KANSL3: variants seen among roughly 807,000 people sequenced by gnomAD.
The protein encoded by KANSL3 is KAT8 regulatory NSL complex subunit 3, also known as NSL complex protein NSL3.
Under a neutral mutation model 89.2 loss-of-function variants are expected in KANSL3, and 16 were observed. The observed-to-expected ratio is 0.18, with a 90% CI of 0.12 to 0.27. The LOEUF is 0.27. KANSL3 is among the 10% of genes least tolerant of loss of function. The pLI is 1.00. For synonymous variants in KANSL3, 385 were observed against 419.7 expected, an observed-to-expected ratio of 0.92 and a Z score of 1.01; for missense variants, 879 against 1,110.6, an observed-to-expected ratio of 0.79 and a Z score of 2.96.
At chr2:96,591,823 C>G (rs939066192), downstream of KANSL3, among the ~76,000 whole-genome samples, 1 of 151,140 alleles carries the variant, frequency 6.6e-6, no homozygotes, top group Non-Finnish European at 1.5e-5. Flanking sequence ...AAAACTGGAT[C>G]CCGGCAAGTC....
chr2:96,610,372 G>C (rs1028052960), intron 11 of KANSL3: 4 of 160,198 alleles, frequency 2.5e-5, no homozygotes, highest in Non-Finnish European at 5.4e-5. Context: ...CTGGAGTGCA[G>C]TGGCGGGATC....
the KANSL3 span, among the ~76,000 whole-genome samples, chr2:96,587,522 C>T: frequency 6.6e-6 from 1 of 152,148 alleles, no homozygotes. Flanking sequence ...CAAAGTTCCC[C>T]TATGAGAGCA....
intron 11 of KANSL3, among the ~76,000 whole-genome samples, chr2:96,609,925 T>C (rs972058584): frequency 1.7e-5 from 2 of 116,586 alleles, no homozygotes; most frequent in African/African-American, 3.5e-5. Flanking sequence ...CAGTCCAGCA[T>C]AGGCGACAGA....
intron 5 of KANSL3, among the ~76,000 whole-genome samples, chr2:96,617,897 T>C (rs796904834): frequency 1.5e-4 from 23 of 150,756 alleles, no homozygotes; most frequent in African/African-American, 5.6e-4. Context: ...GAGGCAGAAT[T>C]GCTTCAACCC....
At chr2:96,601,324 C>T (rs1236873954) in intron 20 of KANSL3, 3 of 985,010 alleles carry the variant, frequency 3.0e-6, no homozygotes, top group South Asian at 4.7e-5. Context: ...CTACTCATAA[C>T]CTCTGAAGGA....
chr2:96,628,398 C>G, intron 3 of KANSL3: 1 of 336,520 alleles, frequency 3.0e-6, no homozygotes, highest in Non-Finnish European at 4.2e-6. Flanking sequence ...CACCTATAAT[C>G]CTAGCACTTT....
At chr2:96,623,965 G>C (rs958300515) in intron 3 of KANSL3, among the ~76,000 whole-genome samples, 1 of 152,220 alleles carries the variant, frequency 6.6e-6, no homozygotes, top group Admixed American at 6.5e-5. Flanking sequence ...CCCCCTTTTG[G>C]GGGTACTAGA....
At chr2:96,605,577 AC>A in intron 14 of KANSL3, 66 bp from the exon 15 acceptor site, 1 of 1,273,112 alleles carries the variant, frequency 7.9e-7, no homozygotes, top group Non-Finnish European at 1.1e-6. Context: ...CTCAGTCAAT[AC>A]CAGCACCAAC....
intron 14 of KANSL3, chr2:96,606,914 A>T (rs2068067264): frequency 7.3e-6 from 7 of 953,102 alleles, no homozygotes; most frequent in Non-Finnish European, 8.7e-6. Flanking sequence ...GAAAATAAAT[A>T]AGGGGTTGAG....
chr2:96,637,143 G>C lies in KANSL3; in HGVS notation c.-8C>G, dbSNP rs1336315698. ...CCCACCCCGGTGGGCCATGTCAGTGGAGGGGCAGAAAGTCAGAGCATGGGT... is the reference window on the plus strand; with the variant it reads ...CCCACCCCGGTGGGCCATGTCAGTGCAGGGGCAGAAAGTCAGAGCATGGGT... On this transcript the variant is annotated 5_prime_UTR_variant, in exon 2 of 21. Transcript: ENST00000431828. The C allele has an allele frequency of 6.5e-7, 1 of 1,545,748 alleles. No homozygotes were observed. The highest frequency in any genetic ancestry group is 2.0e-5 in the Admixed American group (1 of 50,750).
intron 5 of KANSL3, among the ~76,000 whole-genome samples, chr2:96,618,865 A>C (rs1217396314): frequency 1.3e-5 from 2 of 152,220 alleles, no homozygotes; most frequent in African/African-American, 4.8e-5. Context: ...TAAGTAAGAA[A>C]GCAGGGAACT....
intron 20 of KANSL3, among the ~76,000 whole-genome samples, chr2:96,596,241 C>T (rs1013191188): frequency 4.6e-5 from 7 of 152,190 alleles, no homozygotes; most frequent in Non-Finnish European, 8.8e-5. Context: ...TGGGAAACTC[C>T]TAAGAGGTCT....
At position 96,626,214 on chromosome 2, in the gene KANSL3, A is replaced by G. The variant is rs2072272586; in HGVS notation, c.386+5098T>C. Among the ~76,000 whole-genome samples the G allele has an allele frequency of 2.6e-5, 4 of 152,326 alleles. No individual in the cohort carries two copies. In the South Asian group the frequency reaches 8.3e-4, roughly 32 times the overall value. On this transcript the variant is annotated intron_variant, in intron 3 of 20. Transcript: ENST00000431828. ...TAATTAATTCAACATTAAAATATCTAAAGGATTTTTTTTTAACCAGAAGTC... is the reference window on the plus strand; with the variant it reads ...TAATTAATTCAACATTAAAATATCTGAAGGATTTTTTTTTAACCAGAAGTC...
intron 14 of KANSL3, 96 bp downstream of exon 14, chr2:96,608,412 C>T: frequency 7.8e-7 from 1 of 1,281,164 alleles, no homozygotes; most frequent in Non-Finnish European, 1.1e-6. Flanking sequence ...TCACATCCCC[C>T]TGAAAAAAGC....
chr2:96,623,487 T>C (rs2071698337), intron 3 of KANSL3, among the ~76,000 whole-genome samples: 2 of 152,160 alleles, frequency 1.3e-5, no homozygotes, highest in Non-Finnish European at 2.9e-5. Context: ...GGAGGACAAA[T>C]TACCCTTTGT....
rs2069250541 is a variant in KANSL3 at position 96,612,826 on chromosome 2, A to G, written c.904T>C (p.Leu302=). ...HRFWQSQLSC[L]GKVIPVATHL... ...CTTGCCCCCACACATACCTTGCCCAAGCAGGACAGCTGAGATTGCCAGAAG... is the reference window on the plus strand; with the variant it reads ...CTTGCCCCCACACATACCTTGCCCAGGCAGGACAGCTGAGATTGCCAGAAG... The change falls in exon 7 of 21, where the codon TTG becomes CTG. Residue 302 remains leucine (L), a synonymous_variant. Transcript: ENST00000431828. The G allele has an allele frequency of 6.4e-7, 1 of 1,561,372 alleles. No individual in the cohort carries two copies. Among genetic ancestry groups the G allele is most frequent in the Non-Finnish European group, 8.7e-7 (1 of 1,152,590 alleles).
intron 2 of KANSL3, among the ~76,000 whole-genome samples, chr2:96,631,774 C>T (rs1450398684): frequency 2.0e-5 from 3 of 151,738 alleles, no homozygotes; most frequent in Non-Finnish European, 4.4e-5. Context: ...GGGCCAGGTG[C>T]ACTGGCTCAC....
intron 7 of KANSL3, 39 bp downstream of exon 7, chr2:96,612,779 T>C (rs1163095228): frequency 6.8e-7 from 1 of 1,463,232 alleles, no homozygotes; most frequent in Admixed American, 2.0e-5. Flanking sequence ...AAGACTATAT[T>C]CCCTGCCAGG....
chr2:96,599,208 C>T (rs1226352785), intron 20 of KANSL3, among the ~76,000 whole-genome samples: 1 of 152,150 alleles, frequency 6.6e-6, no homozygotes, highest in African/African-American at 2.4e-5. Flanking sequence ...GATGAATGGA[C>T]TCATCCTTAC....
Sources: gnomAD v4.1 joint callset for allele counts (sites outside exome capture counted in the v4.1 genomes callset) on GRCh38, gnomAD v4.1.1 for gene constraint, MANE v1.5 for transcripts, NCBI Gene and HGNC (gene_info 2026-07-23, HGNC 2026-07-21) for gene names.